Variants in HNF4A observed in about 807,000 individuals in gnomAD.
HNF4A encodes hepatocyte nuclear factor 4 alpha.
A neutral mutation model predicts 52.4 loss-of-function variants in HNF4A; 15 were observed. The ratio of observed to expected loss-of-function variants is 0.29; its 90% CI spans 0.19 to 0.44. HNF4A has a LOEUF of 0.44. Ranked by LOEUF, HNF4A falls within the 20% of genes least tolerant of loss-of-function variation. The pLI, the probability that HNF4A is intolerant of heterozygous loss-of-function variation, is 1.00. For missense variants in HNF4A, 479 were observed against 647.2 expected (o/e 0.74, Z 2.82); for synonymous variants, 280 against 264.4 (o/e 1.06, Z -0.57).
intron 1 of HNF4A, among the ~76,000 whole-genome samples, chr20:44,362,843 CTTT>C (rs773479711): frequency 3.7e-5 from 5 of 134,460 alleles, no homozygotes; most frequent in African/African-American, 2.7e-5. Flanking sequence ...ACTCAATTCT[CTTT>C]TTTTTTTTTT....
intron 1 of HNF4A, among the ~76,000 whole-genome samples, chr20:44,362,371 G>C (rs147687924): frequency 0.012 from 1,753 of 147,430 alleles, 33 homozygotes; most frequent in African/African-American, 0.042. Context: ...AGTGAGCCGA[G>C]GTTGTACCAC....
chr20:44,421,215 G>T (rs1286501527), intron 7 of HNF4A, among the ~76,000 whole-genome samples: 2 of 152,152 alleles, frequency 1.3e-5, no homozygotes, highest in African/African-American at 4.8e-5. Context: ...TGAAGAAAAA[G>T]CATTCCTACC....
intron 1 of HNF4A, among the ~76,000 whole-genome samples, chr20:44,364,992 C>A (rs2062956357): frequency 6.6e-6 from 1 of 152,082 alleles, no homozygotes; most frequent in Non-Finnish European, 1.5e-5. Flanking sequence ...AAGATGTGGT[C>A]CCTAGCGGGG....
At chr20:44,415,337 G>A (rs537039176) in intron 5 of HNF4A, among the ~76,000 whole-genome samples, 1 of 152,150 alleles carries the variant, frequency 6.6e-6, no homozygotes, top group Non-Finnish European at 1.5e-5. Flanking sequence ...ATTGAACTCA[G>A]CATCGTGTTT....
At chr20:44,384,142 C>T (rs1395779145) in intron 1 of HNF4A, among the ~76,000 whole-genome samples, 4 of 145,926 alleles carry the variant, frequency 2.7e-5, no homozygotes, top group African/African-American at 5.1e-5. Context: ...TGAGCCATCA[C>T]GCCTGGCCCC....
At chr20:44,378,955 T>C (rs1446146191) in intron 1 of HNF4A, among the ~76,000 whole-genome samples, 6 of 148,484 alleles carry the variant, frequency 4.0e-5, no homozygotes, top group Non-Finnish European at 7.5e-5. Context: ...GAAAAGAAAA[T>C]AGTTCTCCTT....
At chr20:44,423,949 G>A in intron 7 of HNF4A, 69 bp from the exon 8 acceptor site, 1 of 1,479,496 alleles carries the variant, frequency 6.8e-7, no homozygotes, top group South Asian at 1.2e-5. Context: ...GGGGACATCT[G>A]GGTCTTGACT....
chr20:44,397,876 C>G (rs1282728812), upstream of HNF4A, among the ~76,000 whole-genome samples: 1 of 152,156 alleles, frequency 6.6e-6, no homozygotes, highest in East Asian at 1.9e-4. Context: ...ATCTGCCTGC[C>G]TCGGCCTCCC....
At position 44,419,783 on chromosome 20, in the gene HNF4A, C is replaced by T. The variant is rs1290868034; in HGVS notation, c.799C>T (p.Arg267Cys). The T allele has an allele frequency of 2.5e-6, 4 of 1,605,548 alleles. No individual in the cohort carries two copies. Among genetic ancestry groups the T allele is most frequent in the Non-Finnish European group, 2.6e-6 (3 of 1,175,214 alleles). Residue 267 changes from arginine to cysteine, a missense_variant, in exon 7 of 10, where the codon CGC (arginine) becomes TGC (cysteine). This residue lies in a region of HNF4A where 389 missense variants were observed against 525.1 expected (regional missense o/e 0.74). Transcript: ENST00000316099. The stretch of plus-strand genomic sequence containing the variant: ...GGCGGAGATGAGCCGGGTGTCCATA[C>T]GCATCCTTGACGAGCTGGTGCTGCC...
intron 3 of HNF4A, among the ~76,000 whole-genome samples, chr20:44,409,927 T>C (rs1222945983): frequency 1.3e-5 from 2 of 151,224 alleles, no homozygotes; most frequent in African/African-American, 4.9e-5. Flanking sequence ...AACCTCCACC[T>C]CCTGGGTGTG....
At chr20:44,375,210 A>G (rs768647255) in intron 1 of HNF4A, among the ~76,000 whole-genome samples, 1 of 152,038 alleles carries the variant, frequency 6.6e-6, no homozygotes, top group African/African-American at 2.4e-5. Context: ...CATGTGCTCT[A>G]TCCACTTTTT....
intron 1 of HNF4A, chr20:44,390,389 A>C (rs1251773280): frequency 2.0e-6 from 1 of 500,926 alleles, no homozygotes; most frequent in Non-Finnish European, 3.6e-6. Context: ...TCCCATTCCT[A>C]TTGGGGTTGG....
At chr20:44,424,457 G>C in intron 8 of HNF4A, 1 of 1,017,616 alleles carries the variant, frequency 9.8e-7, no homozygotes, top group Non-Finnish European at 1.5e-6. Context: ...CGAGAACCTA[G>C]CACGTGCCAG....
chr20:44,373,550 G>C (rs886392626), intron 1 of HNF4A, among the ~76,000 whole-genome samples: 7 of 151,998 alleles, frequency 4.6e-5, no homozygotes, highest in African/African-American at 1.4e-4. Flanking sequence ...AGTTAAGTAA[G>C]AAACAGTTAA....
chr20:44,356,402 A>G (rs997152750), intron 1 of HNF4A, among the ~76,000 whole-genome samples: 1 of 152,208 alleles, frequency 6.6e-6, no homozygotes, highest in Non-Finnish European at 1.5e-5. Context: ...ATGCAGGGCT[A>G]GAAAGCATGT....
At chr20:44,410,029 G>T (rs2063558765) in intron 3 of HNF4A, among the ~76,000 whole-genome samples, 1 of 152,144 alleles carries the variant, frequency 6.6e-6, no homozygotes, top group African/African-American at 2.4e-5. Flanking sequence ...TAGAGACAGG[G>T]TTTCACCATA....
intron 1 of HNF4A, chr20:44,390,340 A>C: frequency 2.5e-6 from 1 of 392,564 alleles, no homozygotes. Context: ...AGACAACAGG[A>C]GGGCCAGAGC....
At chr20:44,403,637 C>T (rs1410156213) in intron 1 of HNF4A, among the ~76,000 whole-genome samples, 1 of 152,198 alleles carries the variant, frequency 6.6e-6, no homozygotes, top group Non-Finnish European at 1.5e-5. Context: ...GAGCAGCAGC[C>T]CTGGGTGGCT....
chr20:44,358,610 CA>C lies in HNF4A; in HGVS notation c.49+2765del, dbSNP rs201579695. On this transcript the variant is annotated intron_variant, in intron 1 of 9. Transcript: ENST00000316673. Reference sequence around the variant, plus strand: ...TGGGCAGCAGAACAAGACTCTATCTCAAAAAAAACAAAACAAAACAAAAAAA... The same window carrying C: ...TGGGCAGCAGAACAAGACTCTATCTCAAAAAAACAAAACAAAACAAAAAAA... 1.3e-4 allele frequency among the ~76,000 whole-genome samples: 19 copies of C among 145,690 alleles called. 1 individual carries two copies. In the South Asian group the frequency reaches 3.7e-3, roughly 28 times the overall value.
Sources: allele counts gnomAD v4.1 joint callset (sites outside exome capture counted in the v4.1 genomes callset), GRCh38; gene constraint gnomAD v4.1.1; regional missense constraint gnomAD v4.1.1; transcripts MANE v1.5; gene names NCBI Gene and HGNC (gene_info 2026-07-23, HGNC 2026-07-21).